The following CCSER1 variants were observed in gnomAD, a reference collection of about 807,000 sequenced individuals.
CCSER1 encodes coiled-coil serine rich protein 1.
CCSER1 carries 41 observed loss-of-function variants against 82.0 expected under a neutral mutation model. The observed-to-expected ratio is 0.50, with a 90% CI of 0.39 to 0.65. The LOEUF is 0.65. CCSER1 is among the 30% of genes least tolerant of loss of function. The pLI is 0.00. For missense variants in CCSER1, 1,119 were observed against 1,064.2 expected, an observed-to-expected ratio of 1.05 and a Z score of -0.72; for synonymous variants, 414 against 383.9, an observed-to-expected ratio of 1.08 and a Z score of -0.92.
intron 8 of CCSER1, among the ~76,000 whole-genome samples, chr4:90,879,186 C>T (rs947228207): frequency 2.0e-5 from 3 of 152,206 alleles, no homozygotes; most frequent in African/African-American, 2.4e-5. Flanking sequence ...ATTCTTTTAT[C>T]AGCTTGGTTT....
intron 8 of CCSER1, among the ~76,000 whole-genome samples, chr4:90,902,448 G>T (rs1295862360): frequency 2.0e-5 from 3 of 151,854 alleles, no homozygotes. Flanking sequence ...GCTATCATTT[G>T]GATGGAAGAT....
chr4:91,166,213 C>T (rs931248327), intron 10 of CCSER1, among the ~76,000 whole-genome samples: 8 of 152,096 alleles, frequency 5.3e-5, no homozygotes, highest in African/African-American at 1.9e-4. Context: ...TTTCAAGAGG[C>T]ATATTGGTTG....
At chr4:90,623,080 T>G (rs1415650840) in intron 5 of CCSER1, among the ~76,000 whole-genome samples, 1 of 144,300 alleles carries the variant, frequency 6.9e-6, no homozygotes, top group Non-Finnish European at 1.5e-5. Context: ...CAGGCCAGAG[T>G]GCAGTGGCGC....
intron 3 of CCSER1, among the ~76,000 whole-genome samples, chr4:90,380,446 A>G (rs1749029178): frequency 6.6e-6 from 1 of 152,170 alleles, no homozygotes; most frequent in Non-Finnish European, 1.5e-5. Context: ...TGATATCATT[A>G]TTGGTGTCTT....
At chr4:90,712,448 T>C (rs1418717751) in intron 6 of CCSER1, among the ~76,000 whole-genome samples, 1 of 152,052 alleles carries the variant, frequency 6.6e-6, no homozygotes. Context: ...TGTAATTGTA[T>C]AGTTTTGAGT....
At chr4:91,511,199 C>T (rs1356562361) in intron 10 of CCSER1, among the ~76,000 whole-genome samples, 1 of 151,994 alleles carries the variant, frequency 6.6e-6, no homozygotes, top group African/African-American at 2.4e-5. Flanking sequence ...TGTTTCAGTA[C>T]TAGTACCATG....
chr4:90,388,224 T>C (rs954736156), intron 3 of CCSER1, among the ~76,000 whole-genome samples: 3 of 152,184 alleles, frequency 2.0e-5, no homozygotes, highest in African/African-American at 7.2e-5. Flanking sequence ...TCAATCTCAT[T>C]ATTTTGGGTT....
At chr4:90,337,919 T>G (rs1740709257) in intron 3 of CCSER1, among the ~76,000 whole-genome samples, 2 of 152,222 alleles carry the variant, frequency 1.3e-5, no homozygotes, top group Non-Finnish European at 2.9e-5. Flanking sequence ...CTTCATTCAA[T>G]CTGGTGCAAT....
chr4:90,818,434 T>C (rs1036563045), intron 8 of CCSER1, among the ~76,000 whole-genome samples: 15 of 152,102 alleles, frequency 9.9e-5, no homozygotes, highest in Admixed American at 3.3e-4. Flanking sequence ...CACGCCACAG[T>C]GCCCGGCTAA....
intron 8 of CCSER1, among the ~76,000 whole-genome samples, chr4:90,877,937 T>C (rs1026716987): frequency 3.9e-5 from 6 of 152,146 alleles, no homozygotes; most frequent in Non-Finnish European, 7.4e-5. Flanking sequence ...ATCCAAATTA[T>C]ACATTCTAAT....
intron 9 of CCSER1, among the ~76,000 whole-genome samples, chr4:90,947,021 C>T (rs919854996): frequency 3.3e-5 from 5 of 152,074 alleles, no homozygotes; most frequent in East Asian, 3.9e-4. Flanking sequence ...GCAGTCTCAG[C>T]GGGAAAGAGA....
At chr4:90,268,945 G>C (rs1170128042) in intron 1 of CCSER1, among the ~76,000 whole-genome samples, 1 of 151,964 alleles carries the variant, frequency 6.6e-6, no homozygotes, top group African/African-American at 2.4e-5. Context: ...TACAAAAAGA[G>C]GCAAAGAGGG....
chr4:90,546,001 C>T (rs1322701763), intron 5 of CCSER1, among the ~76,000 whole-genome samples: 2 of 152,072 alleles, frequency 1.3e-5, no homozygotes, highest in African/African-American at 4.8e-5. Context: ...GCAACCAACA[C>T]AGTTTCTTAT....
intron 4 of CCSER1, among the ~76,000 whole-genome samples, chr4:90,432,837 G>T (rs566971073): frequency 6.3e-4 from 96 of 152,150 alleles, no homozygotes; most frequent in Non-Finnish European, 1.2e-3. Context: ...AATACTAGTT[G>T]TTACTCCTTC....
intron 6 of CCSER1, among the ~76,000 whole-genome samples, chr4:90,714,050 AGTTGAAAAC>A (rs1271498960): frequency 3.3e-5 from 5 of 152,034 alleles, no homozygotes; most frequent in African/African-American, 7.2e-5. Context: ...TGGAAATTTC[AGTTGAAAAC>A]GTTGAATTCA....
chr4:90,519,800 A>G (rs538918706), intron 5 of CCSER1, among the ~76,000 whole-genome samples: 1 of 152,210 alleles, frequency 6.6e-6, no homozygotes, highest in East Asian at 1.9e-4. Context: ...AAGATCATTT[A>G]CATTTCATTA....
At chr4:90,393,782 T>A (rs867837990) in intron 3 of CCSER1, among the ~76,000 whole-genome samples, 3,427 of 147,288 alleles carry the variant, frequency 0.023, 158 homozygotes, top group African/African-American at 0.082. Context: ...CTTTTTTTTT[T>A]TTTTTTTTTT....
chr4:90,251,888 G>C (rs1722448507), intron 1 of CCSER1, among the ~76,000 whole-genome samples: 1 of 151,540 alleles, frequency 6.6e-6, no homozygotes, highest in South Asian at 2.1e-4. Flanking sequence ...TTTCTTGCTT[G>C]TTCTTTTTAA....
rs1162548129 is a variant in CCSER1 at position 90,616,737 on chromosome 4, AC to A, written c.1725-11287del. 1.8e-3 allele frequency among the ~76,000 whole-genome samples: 127 copies of A among 71,198 alleles called. 1 individual carries two copies. The highest frequency in any genetic ancestry group is 8.4e-3 in the African/African-American group (106 of 12,670). The allele number at this position is 71,198 out of a possible 152,430, so 46.7% of individuals were successfully genotyped here. A position where few individuals can be genotyped will look rare whatever the true frequency, so the allele number is the denominator to read the frequency against. On this transcript the variant is annotated intron_variant, in intron 5 of 10. Transcript: ENST00000509176. The stretch of plus-strand genomic sequence containing the variant: ...CACACACACACACACACACACACAC[AC>A]AAATAAAATAAAATAAAAGGGAGAG...
Sources: gnomAD v4.1 joint callset for allele counts (sites outside exome capture counted in the v4.1 genomes callset) on GRCh38, gnomAD v4.1.1 for gene constraint, MANE v1.5 for transcripts, NCBI Gene and HGNC (gene_info 2026-07-23, HGNC 2026-07-21) for gene names.